The following TLR2 variants were observed in gnomAD, a reference collection of about 807,000 sequenced individuals.
TLR2 encodes toll like receptor 2, also known as toll-like receptor 2.
A neutral mutation model predicts 9.1 loss-of-function variants in TLR2; 7 were observed. The ratio of observed to expected loss-of-function variants is 0.77; its 90% CI spans 0.44 to 1.44. The LOEUF (loss-of-function observed/expected upper bound fraction) is 1.44, where lower values mean the gene tolerates loss of function less well. Among genes scored for constraint, TLR2 ranks in the 40% most tolerant of loss-of-function variants. The pLI is 0.01. For synonymous variants in TLR2, 317 were observed against 344.6 expected (o/e 0.92, Z 0.89); for missense variants, 812 against 904.6 (o/e 0.90, Z 1.31).
downstream of TLR2, among the ~76,000 whole-genome samples, chr4:153,707,576 C>T (rs761482135): frequency 1.3e-4 from 20 of 151,952 alleles, no homozygotes; most frequent in East Asian, 9.7e-4. Flanking sequence ...ACAAAACAAA[C>T]GAAAAACAAG....
At chr4:153,699,795 C>A (rs1736755755) in intron 2 of TLR2, among the ~76,000 whole-genome samples, 1 of 152,158 alleles carries the variant, frequency 6.6e-6, no homozygotes, top group African/African-American at 2.4e-5. Context: ...AATCCACAAA[C>A]TATTAGAATT....
Position 153,703,202 on chromosome 4 carries a change from C to T in TLR2, c.295C>T (p.Leu99=), listed in dbSNP as rs778960379. The change falls in exon 3 of 3, where the codon CTG becomes TTG. Residue 99 remains leucine (L), a synonymous_variant. Coordinates refer to ENST00000642700, the MANE Select transcript of TLR2 (RefSeq NM_001318789.2). Reference sequence around the variant, plus strand: ...AATAGAGGAAGATTCTTTTTCTTCCCTGGGCAGTCTTGAACATTTAGACTT... The same window carrying T: ...AATAGAGGAAGATTCTTTTTCTTCCTTGGGCAGTCTTGAACATTTAGACTT... ...NTIEEDSFSS[L]GSLEHLDLSY... is the part of the protein sequence containing the mutation. 2 of 1,614,112 alleles carry T rather than the reference C, an allele frequency of 1.2e-6. No homozygotes were observed. The highest frequency in any genetic ancestry group is 1.7e-6 in the Non-Finnish European group (2 of 1,180,036).
At chr4:153,694,392 C>T (rs1261935710) in intron 2 of TLR2, among the ~76,000 whole-genome samples, 2 of 152,146 alleles carry the variant, frequency 1.3e-5, no homozygotes, top group Non-Finnish European at 2.9e-5. Context: ...GATCTGGGGC[C>T]AGTTTATGGC....
At chr4:153,710,115 TG>T, downstream of TLR2, 1 of 341,844 alleles carries the variant, frequency 2.9e-6, no homozygotes. Context: ...ATGTCCACAG[TG>T]CAGTGTAACA....
At chr4:153,689,962 C>A (rs1301129539) in intron 2 of TLR2, among the ~76,000 whole-genome samples, 1 of 152,228 alleles carries the variant, frequency 6.6e-6, no homozygotes, top group Non-Finnish European at 1.5e-5. Flanking sequence ...ACCAGAGGGT[C>A]CTCGGGATCC....
At chr4:153,702,765 T>C in intron 2 of TLR2, 127 bp from the exon 3 acceptor site, 1 of 69,030 alleles carries the variant, frequency 1.4e-5, no homozygotes. Context: ...TCTCTCTTTG[T>C]GTGTGTGTGT....
rs199771700 is a variant in TLR2 at position 153,704,295 on chromosome 4, A to G, written c.1388A>G (p.Asp463Gly). Reference sequence around the variant, plus strand: ...ATTCCCAAGACACTGGAAATTTTAGATGTTAGCAACAACAATCTCAATTTA... The same window carrying G: ...ATTCCCAAGACACTGGAAATTTTAGGTGTTAGCAACAACAATCTCAATTTA... ...GCIPKTLEIL[D>G]VSNNNLNLFS... The change falls in exon 3 of 3, where the codon GAT becomes GGT. Residue 463 changes from aspartate (D) to glycine (G), a missense_variant. Coordinates refer to ENST00000642700, the MANE Select transcript of TLR2 (RefSeq NM_001318789.2). 1.9e-6 allele frequency: 3 copies of G among 1,614,062 alleles called. No homozygotes were observed. Among genetic ancestry groups the G allele is most frequent in the Admixed American group, 1.7e-5 (1 of 59,992 alleles).
intron 2 of TLR2, among the ~76,000 whole-genome samples, chr4:153,694,558 T>G (rs1736354918): frequency 6.6e-6 from 1 of 152,228 alleles, no homozygotes; most frequent in Non-Finnish European, 1.5e-5. Context: ...TGTGGATACA[T>G]AGTAGATGTA....
intron 2 of TLR2, among the ~76,000 whole-genome samples, chr4:153,694,751 C>A (rs1736371737): frequency 6.6e-6 from 1 of 152,150 alleles, no homozygotes; most frequent in Non-Finnish European, 1.5e-5. Flanking sequence ...GTTTTGCTAT[C>A]AAAGAATAAA....
rs916627724 is a variant in TLR2, at chr4:153,703,731, A to G, written c.824A>G (p.Gln275Arg). Residue 275 changes from glutamine (Q) to arginine (R), a missense_variant, in exon 3 of 3, where the codon CAG becomes CGG. Coordinates refer to ENST00000642700, the MANE Select transcript of TLR2 (RefSeq NM_001318789.2). ...TTTCAGGTTATGAAACTTTTGAATC[A>G]GATTTCTGGATTGTTAGAATTAGAG... ...SLFQVMKLLN[Q>R]ISGLLELEFD... is the part of the protein sequence containing the mutation. 3.7e-6 allele frequency: 6 copies of G among 1,613,940 alleles called. No individual in the cohort carries two copies. Among genetic ancestry groups the G allele is most frequent in the Middle Eastern group, 1.7e-4 (1 of 6,060 alleles).
Position 153,703,255 on chromosome 4 carries a change from G to C in TLR2, c.348G>C (p.Ser116=). The change falls in exon 3 of 3, where the codon TCG becomes TCC. Residue 116 remains serine, a synonymous_variant. Coordinates refer to ENST00000642700, the MANE Select transcript of TLR2 (RefSeq NM_001318789.2). ...DLSYNYLSNL[S]SSWFKPLSSL... ...CCTATAATTACTTATCTAATTTATC[G>C]TCTTCCTGGTTCAAGCCCCTTTCTT... 6.2e-7 allele frequency: 1 copy of C among 1,613,586 alleles called. No homozygotes were observed. The highest frequency in any genetic ancestry group is 1.1e-5 in the South Asian group (1 of 90,938).
At chr4:153,706,651 T>G (rs988832640), downstream of TLR2, among the ~76,000 whole-genome samples, 2 of 152,222 alleles carry the variant, frequency 1.3e-5, no homozygotes, top group African/African-American at 4.8e-5. Flanking sequence ...TTGCTGATTC[T>G]ATGTAACTTT....
rs1560755641 is a variant in TLR2 at position 153,704,873 on chromosome 4, G to A, written c.1966G>A (p.Glu656Lys). 1 of 1,613,894 alleles carries A rather than the reference G, an allele frequency of 6.2e-7. No homozygotes were observed. The highest frequency in any genetic ancestry group is 2.2e-5 in the East Asian group (1 of 44,860). Residue 656 changes from glutamate to lysine, a missense_variant, in exon 3 of 3, where the codon GAG (glutamate) becomes AAG (lysine). Physicochemically the swap from Glu to Lys is moderately conservative, Grantham distance 56. Transcript: ENST00000642700. Reference protein sequence around the residue: ...SYSERDAYWVENLMVQELENF... With the variant: ...SYSERDAYWVKNLMVQELENF... ...CAGTGAGCGGGATGCCTACTGGGTG[G>A]AGAACCTTATGGTCCAGGAGCTGGA...
downstream of TLR2, among the ~76,000 whole-genome samples, chr4:153,706,959 A>G (rs1245076601): frequency 6.6e-6 from 1 of 152,192 alleles, no homozygotes; most frequent in East Asian, 1.9e-4. Context: ...CAAGAGTACC[A>G]CGCCTAAGAG....
chr4:153,706,132 C>G lies in TLR2; in HGVS notation c.*870C>G, dbSNP rs1310849673. The stretch of plus-strand genomic sequence containing the variant: ...TTTCATGTGATCTGGATCTGTCTTT[C>G]TGGCTATTAGATAGGTTTCTCCAGC... On this transcript the variant is annotated 3_prime_UTR_variant, in exon 3 of 3. Coordinates refer to ENST00000642700, the MANE Select transcript of TLR2 (RefSeq NM_001318789.2). Among the ~76,000 whole-genome samples, 1 of 152,346 alleles carries G rather than the reference C, an allele frequency of 6.6e-6. No individual in the cohort carries two copies. The highest frequency in any genetic ancestry group is 2.1e-4 in the South Asian group (1 of 4,832).
intron 1 of TLR2, among the ~76,000 whole-genome samples, chr4:153,684,730 C>T (rs1203728934): frequency 6.6e-6 from 1 of 151,990 alleles, no homozygotes; most frequent in Non-Finnish European, 1.5e-5. Context: ...CCCTTCCAAC[C>T]TTGCAGGCCC....
At chr4:153,685,690 T>TG (rs1216701470) in intron 1 of TLR2, among the ~76,000 whole-genome samples, 1 of 152,212 alleles carries the variant, frequency 6.6e-6, no homozygotes, top group Non-Finnish European at 1.5e-5. Context: ...CAGCATGTTT[T>TG]GGGGGTTTCT....
chr4:153,707,959 C>T (rs186326527), downstream of TLR2, among the ~76,000 whole-genome samples: 1 of 152,292 alleles, frequency 6.6e-6, no homozygotes, highest in East Asian at 1.9e-4. Context: ...CACATACACA[C>T]CAGAAACTAT....
Position 153,699,239 on chromosome 4 carries a change from T to C in TLR2, c.-16-3653T>C, listed in dbSNP as rs189575387. Reference sequence around the variant, plus strand: ...CTATGAAGGATTTAACTATCAATCATAGGCACAGGCAACTCCATGTCCCAG... The same window carrying C: ...CTATGAAGGATTTAACTATCAATCACAGGCACAGGCAACTCCATGTCCCAG... On this transcript the variant is annotated intron_variant, in intron 2 of 2. Coordinates refer to ENST00000642700, the MANE Select transcript of TLR2 (RefSeq NM_001318789.2). Among the ~76,000 whole-genome samples, 540 of 152,308 alleles carry C rather than the reference T, an allele frequency of 3.5e-3. 12 individuals carry two copies. Among genetic ancestry groups the C allele is most frequent in the Non-Finnish European group, 1.4e-3 (96 of 68,024 alleles).
Sources: gnomAD v4.1 joint callset for allele counts (sites outside exome capture counted in the v4.1 genomes callset) on GRCh38, gnomAD v4.1.1 for gene constraint, MANE v1.5 for transcripts, NCBI Gene and HGNC (gene_info 2026-07-23, HGNC 2026-07-21) for gene names.